Variants in CCSER1 observed in about 807,000 individuals in gnomAD.
The protein encoded by CCSER1 is coiled-coil serine rich protein 1, also known as serine-rich coiled-coil domain-containing protein 1.
Under a neutral mutation model 82.0 loss-of-function variants are expected in CCSER1, and 41 were observed. The observed-to-expected ratio is 0.50, with a 90% CI of 0.39 to 0.65. The LOEUF (loss-of-function observed/expected upper bound fraction) is 0.65. Among genes scored for constraint, CCSER1 ranks in the 30% least tolerant of loss-of-function variants. The pLI is 0.00. For synonymous variants in CCSER1, 414 were observed against 383.9 expected, an observed-to-expected ratio of 1.08 and a Z score of -0.92; for missense variants, 1,119 against 1,064.2, an observed-to-expected ratio of 1.05 and a Z score of -0.72.
intron 5 of CCSER1, among the ~76,000 whole-genome samples, chr4:90,563,446 C>G (rs1282784504): frequency 6.6e-6 from 1 of 152,078 alleles, no homozygotes; most frequent in Non-Finnish European, 1.5e-5. Context: ...TCTTCTCCCC[C>G]ATCCCTCCAA....
chr4:91,231,467 A>G (rs1738620555), intron 10 of CCSER1, among the ~76,000 whole-genome samples: 1 of 151,704 alleles, frequency 6.6e-6, no homozygotes, highest in Admixed American at 6.6e-5. Flanking sequence ...GTGGTGGGGG[A>G]ATTAACATGT....
intron 10 of CCSER1, among the ~76,000 whole-genome samples, chr4:91,427,820 A>G (rs1345573594): frequency 1.3e-5 from 2 of 152,126 alleles, no homozygotes; most frequent in Non-Finnish European, 2.9e-5. Context: ...AATAACTGAC[A>G]TGGAATTTTA....
At chr4:90,767,954 A>C (rs1751499436) in intron 7 of CCSER1, among the ~76,000 whole-genome samples, 1 of 152,154 alleles carries the variant, frequency 6.6e-6, no homozygotes, top group Non-Finnish European at 1.5e-5. Flanking sequence ...TGCCTGACCA[A>C]ACAAGGAAGT....
At chr4:91,460,686 C>T (rs990739651) in intron 10 of CCSER1, among the ~76,000 whole-genome samples, 7 of 152,228 alleles carry the variant, frequency 4.6e-5, no homozygotes, top group Non-Finnish European at 5.9e-5. Flanking sequence ...GTGTTGATCC[C>T]TTCCACCCCA....
chr4:90,442,488 G>T (rs190609982), intron 4 of CCSER1, among the ~76,000 whole-genome samples: 1 of 152,300 alleles, frequency 6.6e-6, no homozygotes, highest in East Asian at 1.9e-4. Context: ...GCCTCAAGAG[G>T]AGAAGTTGAG....
At chr4:90,938,815 C>A (rs1438941357) in intron 9 of CCSER1, 2 of 230,912 alleles carry the variant, frequency 8.7e-6, no homozygotes, top group African/African-American at 2.3e-5. Flanking sequence ...ATTTTTTCAT[C>A]ATTTCATATT....
At chr4:90,955,537 G>A (rs1733346452) in intron 9 of CCSER1, among the ~76,000 whole-genome samples, 3 of 152,098 alleles carry the variant, frequency 2.0e-5, no homozygotes, top group Admixed American at 2.0e-4. Context: ...TAATATTTAA[G>A]TAGTATATTG....
intron 8 of CCSER1, among the ~76,000 whole-genome samples, chr4:90,823,719 T>G (rs1453690297): frequency 6.6e-6 from 1 of 151,740 alleles, no homozygotes; most frequent in African/African-American, 2.4e-5. Context: ...ATTTTAATAA[T>G]ATCTTCAAAA....
chr4:91,011,398 G>A lies in CCSER1; in HGVS notation c.2173-74552G>A, dbSNP rs147338569. Among the ~76,000 whole-genome samples, 145 of 134,466 alleles carry A rather than the reference G, an allele frequency of 1.1e-3. 37 individuals carry two copies. The highest frequency in any genetic ancestry group is 2.4e-3 in the South Asian group (10 of 4,176). The allele number at this position is 134,466 out of a possible 152,430, so 88.2% of individuals were successfully genotyped here. A position where few individuals can be genotyped will look rare whatever the true frequency, so the allele number is the denominator to read the frequency against. Reference sequence around the variant, plus strand: ...GCTGTGACATGGCCTACAATCTGTAGCAGTGCTGGGTTCCAGAATGCAGGT... The same window carrying A: ...GCTGTGACATGGCCTACAATCTGTAACAGTGCTGGGTTCCAGAATGCAGGT... On this transcript the variant is annotated intron_variant, in intron 9 of 10. Coordinates refer to ENST00000509176, the MANE Select transcript of CCSER1 (RefSeq NM_001145065.2).
intron 1 of CCSER1, among the ~76,000 whole-genome samples, chr4:90,299,177 C>A (rs906675980): frequency 3.3e-5 from 5 of 152,030 alleles, no homozygotes; most frequent in Admixed American, 1.3e-4. Context: ...CAAATGTGTT[C>A]TTCCCTTTTG....
chr4:90,802,424 A>G (rs1756955858), intron 7 of CCSER1, among the ~76,000 whole-genome samples: 1 of 151,430 alleles, frequency 6.6e-6, no homozygotes, highest in Non-Finnish European at 1.5e-5. Flanking sequence ...GTATTCATTT[A>G]ATAGTATTTA....
chr4:91,342,434 A>C, intron 10 of CCSER1, among the ~76,000 whole-genome samples: 1 of 152,168 alleles, frequency 6.6e-6, no homozygotes, highest in East Asian at 1.9e-4. Flanking sequence ...AATACCTTGG[A>C]AAGTCACAAA....
intron 9 of CCSER1, among the ~76,000 whole-genome samples, chr4:90,968,650 C>T (rs991561242): frequency 1.3e-5 from 2 of 151,946 alleles, no homozygotes; most frequent in Admixed American, 1.3e-4. Flanking sequence ...GTCTGGGAGA[C>T]CCCAAGAATC....
In CCSER1 at chr4:90,600,526, G is replaced by A. The variant is rs148239733; in HGVS notation, c.1725-27499G>A. Among the ~76,000 whole-genome samples, 216 of 151,972 alleles carry A rather than the reference G, an allele frequency of 1.4e-3. 1 individual carries two copies. Among genetic ancestry groups the A allele is most frequent in the Middle Eastern group, 6.8e-3 (2 of 294 alleles). On this transcript the variant is annotated intron_variant, in intron 5 of 10. Coordinates refer to ENST00000509176, the MANE Select transcript of CCSER1 (RefSeq NM_001145065.2). ...CCTATTTGAAAAATATGTGTTAATT[G>A]AGATTTTAGAACTCTCTCTATATTT...
chr4:91,451,529 A>G (rs1176083256), intron 10 of CCSER1, among the ~76,000 whole-genome samples: 1 of 152,024 alleles, frequency 6.6e-6, no homozygotes, highest in African/African-American at 2.4e-5. Flanking sequence ...AGGAATAATA[A>G]TAAGGAGAAT....
At chr4:90,828,875 A>G (rs895016248) in intron 8 of CCSER1, among the ~76,000 whole-genome samples, 2 of 152,166 alleles carry the variant, frequency 1.3e-5, no homozygotes, top group Non-Finnish European at 1.5e-5. Flanking sequence ...AAAGCAAGAC[A>G]ATGTCACATT....
At chr4:90,583,855 A>G (rs1781692228) in intron 5 of CCSER1, among the ~76,000 whole-genome samples, 3 of 152,276 alleles carry the variant, frequency 2.0e-5, no homozygotes, top group South Asian at 2.1e-4. Flanking sequence ...AAATACAATT[A>G]TTTTAGGGAT....
At chr4:90,808,745 C>T (rs1419773760) in intron 7 of CCSER1, among the ~76,000 whole-genome samples, 1 of 152,060 alleles carries the variant, frequency 6.6e-6, no homozygotes, top group Non-Finnish European at 1.5e-5. Context: ...TAGATGTTAC[C>T]ATGGATGTGG....
At chr4:91,407,536 T>A (rs1455931074) in intron 10 of CCSER1, among the ~76,000 whole-genome samples, 3 of 152,178 alleles carry the variant, frequency 2.0e-5, no homozygotes, top group African/African-American at 7.2e-5. Flanking sequence ...AAGAAACACT[T>A]GAAGCCAAGT....
Sources: allele counts gnomAD v4.1 joint callset (sites outside exome capture counted in the v4.1 genomes callset), GRCh38; gene constraint gnomAD v4.1.1; transcripts MANE v1.5; gene names NCBI Gene and HGNC (gene_info 2026-07-23, HGNC 2026-07-21).